The following MKNK2 variants were observed in gnomAD, a reference collection of about 807,000 sequenced individuals.
The protein encoded by MKNK2 is MAP kinase-interacting serine/threonine-protein kinase 2.
A neutral mutation model predicts 55.0 loss-of-function variants in MKNK2; 54 were observed. The observed-to-expected ratio is 0.98, with a 90% CI of 0.79 to 1.23. The LOEUF is 1.23. Among genes scored for constraint, MKNK2 ranks in the 50% most tolerant of loss-of-function variants. MKNK2 has a pLI of 0.00. For synonymous variants in MKNK2, 323 were observed against 256.0 expected (o/e 1.26, Z -2.50); for missense variants, 685 against 632.1 (o/e 1.08, Z -0.90).
Position 2,041,744 on chromosome 19 carries a change from G to A in MKNK2, c.945+96C>T, listed in dbSNP as rs544000202. 5 of 1,048,916 alleles carry A rather than the reference G, an allele frequency of 4.8e-6. No homozygotes were observed. In the South Asian group the frequency reaches 6.7e-5, roughly 14 times the overall value. 65.0% of individuals were successfully genotyped at this position (1,048,916 alleles called of 1,614,324 possible). The stretch of plus-strand genomic sequence containing the variant: ...AGGGGGCAGGTCCCCTGGACTTAGA[G>A]GGTGCGCAGGGCAGGTCCCCTGGGG... On this transcript the variant is annotated intron_variant, in intron 11 of 13. Transcript: ENST00000250896.
intron 2 of MKNK2, among the ~76,000 whole-genome samples, chr19:2,050,549 C>A (rs976023420): frequency 4.6e-5 from 7 of 152,194 alleles, no homozygotes; most frequent in Non-Finnish European, 7.4e-5. Context: ...GGCTCCTGCT[C>A]CCAGCCTCAC....
rs555941096 is a variant in MKNK2 at position 2,043,325 on chromosome 19, T to G, written c.420-128A>C. ...CCACCGGAAGCTGGGACTGGGGCAA[T>G]AGGCCAGCTTCACACTGCCCGCCTG... On this transcript the variant is annotated intron_variant, in intron 6 of 13. Transcript: ENST00000250896. 3.9e-5 allele frequency: 39 copies of G among 1,000,436 alleles called. No homozygotes were observed. In the African/African-American group the frequency reaches 5.2e-4, roughly 13 times the overall value. The allele number at this position is 1,000,436 out of a possible 1,614,324, so 62.0% of individuals were successfully genotyped here.
At position 2,041,206 on chromosome 19, in the gene MKNK2, TG is replaced by T; in HGVS notation, c.946-3del. 1 of 1,611,354 alleles carries T rather than the reference TG, an allele frequency of 6.2e-7. No homozygotes were observed. Among genetic ancestry groups the T allele is most frequent in the Non-Finnish European group, 8.5e-7 (1 of 1,178,256 alleles). ...CTGGATGCTCTCAAACAGCATGTTC[TG>T]GGGACATAGAACACAGGGGAGCTTA... On this transcript the variant is annotated splice_polypyrimidine_tract_variant and splice_region_variant and intron_variant, in intron 11 of 13. Transcript: ENST00000250896.
intron 2 of MKNK2, 94 bp downstream of exon 2, chr19:2,050,707 C>T (rs2017096877): frequency 3.2e-6 from 4 of 1,247,728 alleles, no homozygotes; most frequent in Non-Finnish European, 2.2e-6. Context: ...GCACGAGCCC[C>T]GGGAGCCGAT....
In MKNK2 at chr19:2,041,114, A is replaced by G. The variant is rs2016870337; in HGVS notation, c.1036T>C (p.Ser346Pro). The G allele has an allele frequency of 6.2e-7, 1 of 1,613,900 alleles. No homozygotes were observed. The change falls in exon 12 of 14, where the codon TCC (serine) becomes CCC (proline). Residue 346 changes from serine (S) to proline (P), a missense_variant. By Grantham distance (74) the Ser-to-Pro change is moderately conservative. Coordinates refer to ENST00000250896, the MANE Select transcript of MKNK2 (RefSeq NM_199054.3). ...TTGGCGTCACGGACCAGCAGCTTGG[A>G]GATGAGGTCTTTGGCAGCGCAGGAG... is the stretch of plus-strand genomic sequence containing the variant. ...HISCAAKDLI[S>P]KLLVRDAKQR... is the part of the protein sequence containing the mutation.
In MKNK2 at chr19:2,038,805, G is replaced by A. The variant is rs910658921; in HGVS notation, c.*808C>T. On this transcript the variant is annotated 3_prime_UTR_variant, in exon 14 of 14. Coordinates refer to ENST00000250896, the MANE Select transcript of MKNK2 (RefSeq NM_199054.3). ...CCCCTCTGCCTGCTGCGGTGGAAAC[G>A]GCTTCGGGCCAGGCGGGGCTCCTGC... The A allele has an allele frequency of 1.2e-4, 116 of 985,580 alleles. No homozygotes were observed. Among genetic ancestry groups the A allele is most frequent in the South Asian group, 1.9e-4 (4 of 21,294 alleles). The allele number at this position is 985,580 out of a possible 1,614,324, so 61.1% of individuals were successfully genotyped here. A position where few individuals can be genotyped will look rare whatever the true frequency, so the allele number is the denominator to read the frequency against.
At chr19:2,047,654 G>A (rs959918824) in intron 2 of MKNK2, among the ~76,000 whole-genome samples, 2 of 152,052 alleles carry the variant, frequency 1.3e-5, no homozygotes, top group African/African-American at 4.8e-5. Context: ...GGCCTCCTGG[G>A]CCATCTCAGG....
Position 2,037,944 on chromosome 19 carries a change from A to C in MKNK2, c.*1669T>G. The C allele has an allele frequency of 7.9e-6, 11 of 1,393,736 alleles. No individual in the cohort carries two copies. The highest frequency in any genetic ancestry group is 9.4e-6 in the Non-Finnish European group (10 of 1,061,444). 86.3% of individuals were successfully genotyped at this position (1,393,736 alleles called of 1,614,324 possible). ...GGGGTCCATTTGCTTGTTCTTTGAT[A>C]CAAAAAGGCAGAGAATCCCCCGTTA... On this transcript the variant is annotated 3_prime_UTR_variant, in exon 14 of 14. Coordinates refer to ENST00000250896, the MANE Select transcript of MKNK2 (RefSeq NM_199054.3).
chr19:2,037,835 G>GAAAAA lies in MKNK2; in HGVS notation c.*1773_*1777dup, dbSNP rs749159900. The GAAAAA allele has an allele frequency of 2.7e-5, 34 of 1,282,722 alleles. No individual in the cohort carries two copies. The highest frequency in any genetic ancestry group is 9.2e-5 in the South Asian group (6 of 65,430). 79.5% of individuals were successfully genotyped at this position (1,282,722 alleles called of 1,614,324 possible). A position where few individuals can be genotyped will look rare whatever the true frequency, so the allele number is the denominator to read the frequency against. ...GGAGGAAGTGACTGTCCCACCTTCA[G>GAAAAA]AAAAAAAAAAAAAAACAAACAAACA... On this transcript the variant is annotated 3_prime_UTR_variant, in exon 14 of 14. Transcript: ENST00000250896.
Position 2,044,100 on chromosome 19 carries a change from G to C in MKNK2, c.340-518C>G, listed in dbSNP as rs958700908. On this transcript the variant is annotated intron_variant, in intron 5 of 13. Transcript: ENST00000250896. The stretch of plus-strand genomic sequence containing the variant: ...GCAAAATACCCCCACAGGACGTGAG[G>C]GTTCCCTGCCCTGGGCGGCCACCCT... 2.0e-5 allele frequency among the ~76,000 whole-genome samples: 3 copies of C among 152,084 alleles called. 1 individual carries two copies. The South Asian group carries it at 6.2e-4, about 32-fold the overall frequency.
chr19:2,050,935 C>T lies in MKNK2; in HGVS notation c.-84G>A. On this transcript the variant is annotated 5_prime_UTR_variant, in exon 2 of 14. Transcript: ENST00000250896. ...GGCGGGCGGCCGGGCGGGGGGCGGC[C>T]GAGGAGGGGACCCTGCGGGCGGGAG... is the stretch of plus-strand genomic sequence containing the variant. 1 of 932,536 alleles carries T rather than the reference C, an allele frequency of 1.1e-6. No individual in the cohort carries two copies. The allele number at this position is 932,536 out of a possible 1,614,324, so 57.8% of individuals were successfully genotyped here. A position where few individuals can be genotyped will look rare whatever the true frequency, so the allele number is the denominator to read the frequency against.
chr19:2,040,309 T>C (rs1244540619), intron 12 of MKNK2, 132 bp from the exon 13 acceptor site: 2 of 814,836 alleles, frequency 2.5e-6, no homozygotes, highest in East Asian at 5.7e-5. Context: ...GGAGTGCACC[T>C]GGGTGCCCCG....
intron 5 of MKNK2, among the ~76,000 whole-genome samples, chr19:2,045,132 C>A (rs2016970133): frequency 6.6e-6 from 1 of 152,190 alleles, no homozygotes; most frequent in African/African-American, 2.4e-5. Flanking sequence ...ACACCTCCAG[C>A]AGGAAGTCCC....
In MKNK2 at chr19:2,038,590, C is replaced by T. The variant is rs929643294; in HGVS notation, c.*1023G>A. 33 of 985,150 alleles carry T rather than the reference C, an allele frequency of 3.3e-5. No individual in the cohort carries two copies. The highest frequency in any genetic ancestry group is 3.0e-4 in the African/African-American group (17 of 57,134). 61.0% of individuals were successfully genotyped at this position (985,150 alleles called of 1,614,324 possible). On this transcript the variant is annotated 3_prime_UTR_variant, in exon 14 of 14. Coordinates refer to ENST00000250896, the MANE Select transcript of MKNK2 (RefSeq NM_199054.3). ...AAACACTGCCCTGGGGGTGAGGATTCGGCCAGACCCCGGGGTCTGGGCTCA... is the reference window on the plus strand; with the variant it reads ...AAACACTGCCCTGGGGGTGAGGATTTGGCCAGACCCCGGGGTCTGGGCTCA...
chr19:2,045,465 C>T lies in MKNK2; in HGVS notation c.339+721G>A, dbSNP rs867824635. Among the ~76,000 whole-genome samples the T allele has an allele frequency of 2.6e-5, 4 of 152,280 alleles. 1 individual carries two copies. The South Asian group carries it at 8.3e-4, about 32-fold the overall frequency. ...TCCGTACTGTGTCTGTCCCTGCCTG[C>T]TGCCACTGTGGTCCCAGCACCTAGC... On this transcript the variant is annotated intron_variant, in intron 5 of 13. Coordinates refer to ENST00000250896, the MANE Select transcript of MKNK2 (RefSeq NM_199054.3).
intron 5 of MKNK2, among the ~76,000 whole-genome samples, chr19:2,043,994 A>G (rs2016948400): frequency 6.7e-6 from 1 of 150,016 alleles, no homozygotes; most frequent in Non-Finnish European, 1.5e-5. Flanking sequence ...AAAAAAAAAA[A>G]AAAAAAAAAA....
At chr19:2,045,672 C>T (rs1326671042) in intron 5 of MKNK2, among the ~76,000 whole-genome samples, 1 of 152,206 alleles carries the variant, frequency 6.6e-6, no homozygotes. Context: ...AGCCGGATGC[C>T]AGGTCACGAG....
intron 5 of MKNK2, among the ~76,000 whole-genome samples, chr19:2,044,232 G>A (rs932400870): frequency 6.6e-6 from 1 of 152,160 alleles, no homozygotes; most frequent in Non-Finnish European, 1.5e-5. Context: ...CAGCCCACCA[G>A]GCCCCACCTC....
rs547447486 is a variant in MKNK2 at position 2,041,957 on chromosome 19, G to C, written c.828C>G (p.Cys276Trp). 3 of 1,560,816 alleles carry C rather than the reference G, an allele frequency of 1.9e-6. No homozygotes were observed. The Admixed American group carries it at 5.8e-5, about 30-fold the overall frequency. The stretch of plus-strand genomic sequence containing the variant: ...AGATGACGCCCAGGCTCCACAGGTC[G>C]CAGCGCTTGTCGTAGATGCTAGCCT... ...SEEASIYDKR[C>W]DLWSLGVILY... Residue 276 changes from cysteine to tryptophan, a missense_variant, in exon 11 of 14, where the codon TGC (cysteine) becomes TGG (tryptophan). Cys to Trp is a radical substitution (Grantham distance 215). Coordinates refer to ENST00000250896, the MANE Select transcript of MKNK2 (RefSeq NM_199054.3).
Sources: allele counts gnomAD v4.1 joint callset (sites outside exome capture counted in the v4.1 genomes callset), GRCh38; gene constraint gnomAD v4.1.1; transcripts MANE v1.5; gene names NCBI Gene and HGNC (gene_info 2026-07-23, HGNC 2026-07-21).